TSC2: variants seen among roughly 807,000 people sequenced by gnomAD.
TSC2 encodes the protein tuberin.
A neutral mutation model predicts 202.2 loss-of-function variants in TSC2; 29 were observed. The observed-to-expected ratio is 0.14, with a 90% CI of 0.11 to 0.20. TSC2 has a LOEUF of 0.20. Among genes scored for constraint, TSC2 ranks in the 10% least tolerant of loss-of-function variants. The pLI, the probability that TSC2 is intolerant of heterozygous loss-of-function variation, is 1.00. For synonymous variants in TSC2, 1,349 were observed against 1,044.0 expected, an observed-to-expected ratio of 1.29 and a Z score of -5.63; for missense variants, 2,429 against 2,420.0, an observed-to-expected ratio of 1.00 and a Z score of -0.08.
rs1212082573 is a variant in TSC2, at chr16:2,088,628, C to G, written c.*18C>G. 5 of 1,596,750 alleles carry G rather than the reference C, an allele frequency of 3.1e-6. No individual in the cohort carries two copies. The highest frequency in any genetic ancestry group is 1.7e-4 in the Middle Eastern group (1 of 6,052). ...TTGTGTGAGGCCGGGGCCCTCCCTC[C>G]TGCACTGGCCTTGGACGGTATTGCC... On this transcript the variant is annotated 3_prime_UTR_variant, in exon 42 of 42. Transcript: ENST00000219476.
Position 2,079,547 on chromosome 16 carries a change from C to G in TSC2, c.3285-10C>G, listed in dbSNP as rs763903351. 1 of 1,608,350 alleles carries G rather than the reference C, an allele frequency of 6.2e-7. No homozygotes were observed. The highest frequency in any genetic ancestry group is 8.5e-7 in the Non-Finnish European group (1 of 1,177,994). On this transcript the variant is annotated splice_polypyrimidine_tract_variant and intron_variant, in intron 28 of 41. Coordinates refer to ENST00000219476, the MANE Select transcript of TSC2 (RefSeq NM_000548.5). The surrounding 1 kb of genome is among the most constrained non-coding windows in gnomAD (Gnocchi z 4.6). ...CTAAGTCCACCCTGTGCGTGGGATT[C>G]TCTTCTCAGCTCCAGCCCCGGGGTG...
At chr16:2,048,464 G>A in intron 1 of TSC2, 123 bp from the exon 2 acceptor site, 1 of 1,249,466 alleles carries the variant, frequency 8.0e-7, no homozygotes, top group Non-Finnish European at 1.1e-6. Context: ...AGTTCTCCCA[G>A]GGAGTGTGGG....
chr16:2,057,443 T>G (rs1168240813), intron 9 of TSC2, among the ~76,000 whole-genome samples: 1 of 152,104 alleles, frequency 6.6e-6, no homozygotes, highest in East Asian at 1.9e-4. Context: ...CCCCAACTAC[T>G]TAGCCTGTTA....
chr16:2,058,101 T>G (rs926245449), intron 9 of TSC2, among the ~76,000 whole-genome samples: 9 of 147,428 alleles, frequency 6.1e-5, no homozygotes, highest in Admixed American at 5.4e-4. Flanking sequence ...GCCTCAGCCC[T>G]GCATCTCTCC....
At position 2,080,370 on chromosome 16, in the gene TSC2, G is replaced by T; in HGVS notation, c.3603G>T (p.Arg1201Ser). The T allele has an allele frequency of 6.2e-7, 1 of 1,611,598 alleles. No homozygotes were observed. The highest frequency in any genetic ancestry group is 8.5e-7 in the Non-Finnish European group (1 of 1,179,902). ...TQGWAEILVRRPTGNTSWLMS... is the reference protein window; with the variant it reads ...TQGWAEILVRSPTGNTSWLMS... The stretch of plus-strand genomic sequence containing the variant: ...GCTGGGCGGAGATCCTGGTCCGGAG[G>T]CCCACAGGTACTGGGCGGGGCTGGC... The change falls in exon 30 of 42, where the codon AGG becomes AGT. Residue 1201 changes from arginine (R) to serine (S), a missense_variant. Transcript: ENST00000219476.
chr16:2,088,758 G>A lies in TSC2; in HGVS notation c.*148G>A, dbSNP rs1362775126. 5.2e-6 allele frequency: 6 copies of A among 1,144,602 alleles called. No individual in the cohort carries two copies. Among genetic ancestry groups the A allele is most frequent in the South Asian group, 3.1e-5 (2 of 65,068 alleles). 70.9% of individuals were successfully genotyped at this position (1,144,602 alleles called of 1,614,324 possible). ...ACTTTGTCTGCTTGGTGCGGGGGTTGGGGGGGTGTCGAGGCTCTAGAAGCG... is the reference window on the plus strand; with the variant it reads ...ACTTTGTCTGCTTGGTGCGGGGGTTAGGGGGGTGTCGAGGCTCTAGAAGCG... On this transcript the variant is annotated 3_prime_UTR_variant, in exon 42 of 42. Coordinates refer to ENST00000219476, the MANE Select transcript of TSC2 (RefSeq NM_000548.5).
chr16:2,071,205 G>A (rs2088308256), intron 17 of TSC2, among the ~76,000 whole-genome samples: 1 of 152,222 alleles, frequency 6.6e-6, no homozygotes, highest in African/African-American at 2.4e-5. Flanking sequence ...GGCAGTTGGG[G>A]GCGTGTGGTG....
rs767360506 is a variant in TSC2, at chr16:2,082,466, GCT to G, written c.3846_3847del (p.Ser1282ArgfsTer39). On this transcript the variant is annotated frameshift_variant, in exon 32 of 42. Coordinates refer to ENST00000219476, the MANE Select transcript of TSC2 (RefSeq NM_000548.5). LOFTEE classifies it high-confidence loss of function. ...TCTTTCTCCTCCCTGTACCAGTCCA[GCT>G]GCCAAGGACAGCTGCACAGGAGCGT... 1.0e-4 allele frequency: 165 copies of G among 1,612,448 alleles called. No homozygotes were observed. The African/African-American group carries it at 1.8e-3, about 18-fold the overall frequency.
At chr16:2,048,310 C>A in intron 1 of TSC2, 1 of 1,041,090 alleles carries the variant, frequency 9.6e-7, no homozygotes, top group Non-Finnish European at 1.5e-6. Flanking sequence ...GCTCCCAGGA[C>A]TTCGCGGCGG....
chr16:2,056,009 C>T (rs571587276), intron 6 of TSC2, 187 bp from the exon 7 acceptor site: 26 of 699,146 alleles, frequency 3.7e-5, no homozygotes, highest in South Asian at 1.2e-4. Context: ...CTCACTCATG[C>T]TGAACACCCA....
intron 15 of TSC2, chr16:2,064,895 C>A: frequency 4.1e-6 from 1 of 242,570 alleles, no homozygotes. Flanking sequence ...AGGTGGATTG[C>A]TTGAGTTCAG....
intron 33 of TSC2, 21 bp from the exon 34 acceptor site, chr16:2,084,207 C>A: frequency 1.3e-6 from 2 of 1,564,850 alleles, no homozygotes; most frequent in Non-Finnish European, 1.7e-6. Flanking sequence ...CAGGGGTTCT[C>A]TTTGGGATGG....
intron 6 of TSC2, 32 bp downstream of exon 6, chr16:2,055,551 ATGGTCC>A (rs371179005): frequency 6.3e-7 from 1 of 1,591,636 alleles, no homozygotes; most frequent in African/African-American, 1.3e-5. Flanking sequence ...TGTTCTGATA[ATGGTCC>A]TAAGTTCAGC....
At chr16:2,085,825 C>G (rs964606957) in intron 36 of TSC2, among the ~76,000 whole-genome samples, 18 of 152,156 alleles carry the variant, frequency 1.2e-4, no homozygotes, top group Non-Finnish European at 1.5e-5. Flanking sequence ...GCAGAGGGCA[C>G]ATGGCCTGAC....
intron 31 of TSC2, 164 bp downstream of exon 31, chr16:2,081,962 C>G: frequency 9.7e-7 from 1 of 1,027,138 alleles, no homozygotes; most frequent in Non-Finnish European, 1.5e-6. Context: ...GAGGCTGACC[C>G]GTGGGAGGTG....
intron 30 of TSC2, 133 bp from the exon 31 acceptor site, chr16:2,081,462 A>C: frequency 8.3e-7 from 1 of 1,199,970 alleles, no homozygotes; most frequent in South Asian, 1.2e-5. Context: ...GCTGGCTCCG[A>C]CATCGTGGTC....
chr16:2,064,186 C>G (rs1289149558), intron 14 of TSC2, 86 bp from the exon 15 acceptor site: 3 of 1,599,690 alleles, frequency 1.9e-6, no homozygotes, highest in African/African-American at 2.7e-5. Flanking sequence ...CCGCTGCTTG[C>G]GGGTCGGTTC....
At chr16:2,069,624 T>C (rs942785533) in intron 16 of TSC2, among the ~76,000 whole-genome samples, 10 of 152,040 alleles carry the variant, frequency 6.6e-5, no homozygotes, top group East Asian at 5.8e-4. Flanking sequence ...GGACTACAGG[T>C]GCCCACCACC....
At position 2,072,053 on chromosome 16, in the gene TSC2, G is replaced by A. The variant is rs1410619935; in HGVS notation, c.2097+119G>A. ...CTGTGGAGGGCAGCCCTCCCTCAGAGCTGAGCCTTCCCCCTTCCCCGAGCA... is the reference window on the plus strand; with the variant it reads ...CTGTGGAGGGCAGCCCTCCCTCAGAACTGAGCCTTCCCCCTTCCCCGAGCA... On this transcript the variant is annotated intron_variant, in intron 19 of 41. Coordinates refer to ENST00000219476, the MANE Select transcript of TSC2 (RefSeq NM_000548.5). The A allele has an allele frequency of 2.7e-6, 4 of 1,481,336 alleles. No homozygotes were observed. In the South Asian group the frequency reaches 3.9e-5, roughly 15 times the overall value. 91.8% of individuals were successfully genotyped at this position (1,481,336 alleles called of 1,614,324 possible).
Sources: allele counts gnomAD v4.1 joint callset (sites outside exome capture counted in the v4.1 genomes callset), GRCh38; gene constraint gnomAD v4.1.1; non-coding constraint Gnocchi (gnomAD v3.1); transcripts MANE v1.5; gene names NCBI Gene and HGNC (gene_info 2026-07-23, HGNC 2026-07-21).